Variants in GRK5 observed in about 807,000 individuals in gnomAD.
GRK5 encodes g protein-coupled receptor kinase GRK5.
GRK5 carries 40 observed loss-of-function variants against 78.4 expected under a neutral mutation model. The observed-to-expected ratio is 0.51, with a 90% CI of 0.40 to 0.66. The LOEUF (loss-of-function observed/expected upper bound fraction) is 0.66. GRK5 is among the 30% of genes least tolerant of loss of function. The pLI, the probability that GRK5 is intolerant of heterozygous loss-of-function variation, is 0.00. For missense variants in GRK5, 598 were observed against 759.9 expected (o/e 0.79, Z 2.50); for synonymous variants, 289 against 296.8 (o/e 0.97, Z 0.27).
At chr10:119,390,498 C>A (rs980129569) in intron 3 of GRK5, among the ~76,000 whole-genome samples, 2 of 152,116 alleles carry the variant, frequency 1.3e-5, no homozygotes, top group Non-Finnish European at 1.5e-5. Context: ...AGTTCGGGAC[C>A]AGCCTGGCCA....
intron 2 of GRK5, among the ~76,000 whole-genome samples, chr10:119,339,135 T>G (rs1014921493): frequency 3.9e-5 from 6 of 152,352 alleles, no homozygotes; most frequent in African/African-American, 1.4e-4. Flanking sequence ...GGATGATGTT[T>G]GGCGAGCGGC....
chr10:119,309,577 T>C (rs1028677558), intron 1 of GRK5, among the ~76,000 whole-genome samples: 4 of 152,212 alleles, frequency 2.6e-5, no homozygotes, highest in African/African-American at 9.7e-5. Context: ...ACTTTGGCCC[T>C]AGCAGCCTTC....
chr10:119,363,853 G>A (rs890705283), intron 2 of GRK5, among the ~76,000 whole-genome samples: 20 of 152,214 alleles, frequency 1.3e-4, no homozygotes, highest in East Asian at 1.9e-4. Flanking sequence ...TTCTTTTGGA[G>A]CTAAAAATGG....
chr10:119,307,571 G>T (rs1468969960), intron 1 of GRK5, among the ~76,000 whole-genome samples: 1 of 152,124 alleles, frequency 6.6e-6, no homozygotes, highest in African/African-American at 2.4e-5. Context: ...GTGGCCTGTA[G>T]ATTCTCCCCT....
chr10:119,317,239 A>T (rs1850502049), intron 1 of GRK5, among the ~76,000 whole-genome samples: 1 of 152,162 alleles, frequency 6.6e-6, no homozygotes, highest in Admixed American at 6.5e-5. Context: ...CGGCAGGTCC[A>T]CTGCGGATCC....
At position 119,456,477 on chromosome 10, in the gene GRK5, CGAA is replaced by C. The variant is rs1169810472; in HGVS notation, c.*1415_*1417del. 1 of 152,298 alleles carries C rather than the reference CGAA, an allele frequency of 6.6e-6. No homozygotes were observed. The highest frequency in any genetic ancestry group is 1.5e-5 in the Non-Finnish European group (1 of 68,100). 9.4% of individuals were successfully genotyped at this position (152,298 alleles called of 1,614,324 possible). A position where few individuals can be genotyped will look rare whatever the true frequency, so the allele number is the denominator to read the frequency against. On this transcript the variant is annotated 3_prime_UTR_variant, in exon 16 of 16. Transcript: ENST00000392870. This position sits in a 1 kb window ranked among gnomAD's most constrained non-coding sequence, Gnocchi z 5.5. ...AGCAGCTGGCCACCTCCTCCTGCCT[CGAA>C]GAAGTGACCAGGGGCCAATCTGCTC...
At chr10:119,444,806 A>C (rs1192354416) in intron 12 of GRK5, among the ~76,000 whole-genome samples, 1 of 152,198 alleles carries the variant, frequency 6.6e-6, no homozygotes, top group Non-Finnish European at 1.5e-5. Flanking sequence ...ATCTGCAGGC[A>C]CTTTTGGGGC....
chr10:119,313,267 T>TGGC (rs1850426839), intron 1 of GRK5, among the ~76,000 whole-genome samples: 1 of 146,388 alleles, frequency 6.8e-6, no homozygotes, highest in Non-Finnish European at 1.5e-5. Context: ...ATGGTGGTGG[T>TGGC]AATAGTGGTG....
intron 1 of GRK5, among the ~76,000 whole-genome samples, chr10:119,279,489 G>A (rs1849723930): frequency 6.6e-6 from 1 of 152,230 alleles, no homozygotes; most frequent in African/African-American, 2.4e-5. Flanking sequence ...GATGAAAGAA[G>A]ATGGAAGGAG....
intron 10 of GRK5, among the ~76,000 whole-genome samples, chr10:119,441,522 C>T (rs1284276391): frequency 4.6e-5 from 7 of 152,228 alleles, no homozygotes; most frequent in Admixed American, 4.6e-4. Flanking sequence ...TTTCCCTTCT[C>T]GTTTCTCTAA....
At chr10:119,449,889 C>T (rs925555318) in intron 13 of GRK5, among the ~76,000 whole-genome samples, 1 of 152,220 alleles carries the variant, frequency 6.6e-6, no homozygotes, top group Non-Finnish European at 1.5e-5. Flanking sequence ...GCTCTCGACC[C>T]TGGCTGCCTG....
Position 119,455,376 on chromosome 10 carries a change from T to A in GRK5, c.*309T>A. The A allele has an allele frequency of 1.9e-6, 1 of 536,108 alleles. No homozygotes were observed. The highest frequency in any genetic ancestry group is 3.4e-6 in the Non-Finnish European group (1 of 292,562). 33.2% of individuals were successfully genotyped at this position (536,108 alleles called of 1,614,324 possible). A position where few individuals can be genotyped will look rare whatever the true frequency, so the allele number is the denominator to read the frequency against. On this transcript the variant is annotated 3_prime_UTR_variant, in exon 16 of 16. Transcript: ENST00000392870. ...GCGTCATAACTAGAACTGAATTTTG[T>A]CTTTATGATTTTTAAAGAAAAGTTT...
intron 1 of GRK5, among the ~76,000 whole-genome samples, chr10:119,312,999 G>GTGGTGC: frequency 7.0e-6 from 1 of 142,674 alleles, no homozygotes; most frequent in South Asian, 2.3e-4. Flanking sequence ...GGTGGTAATG[G>GTGGTGC]TGGTCGTGAC....
chr10:119,364,651 A>G (rs1037813237), intron 2 of GRK5, among the ~76,000 whole-genome samples: 1 of 152,180 alleles, frequency 6.6e-6, no homozygotes, highest in Non-Finnish European at 1.5e-5. Flanking sequence ...CTGACCTTTC[A>G]GAACCCCGGG....
chr10:119,443,420 G>T (rs572525444), intron 11 of GRK5, 124 bp from the exon 12 acceptor site: 18 of 784,126 alleles, frequency 2.3e-5, no homozygotes, highest in African/African-American at 3.5e-5. Flanking sequence ...CCTGGAGGGG[G>T]TGGTATTCAC....
At chr10:119,373,202 A>G (rs1421383716) in intron 2 of GRK5, among the ~76,000 whole-genome samples, 3 of 152,238 alleles carry the variant, frequency 2.0e-5, no homozygotes, top group Admixed American at 6.5e-5. Context: ...TTCCATAGAT[A>G]GCTGGAAAAG....
intron 6 of GRK5, among the ~76,000 whole-genome samples, 183 bp downstream of exon 6, chr10:119,425,268 TACACACACACAC>T (rs112640010): frequency 7.9e-6 from 1 of 126,622 alleles, no homozygotes; most frequent in African/African-American, 2.6e-5. Flanking sequence ...CACACACACA[TACACACACACAC>T]ACACACACAC....
At chr10:119,240,235 C>G (rs1309174854) in intron 1 of GRK5, among the ~76,000 whole-genome samples, 1 of 117,358 alleles carries the variant, frequency 8.5e-6, no homozygotes, top group Non-Finnish European at 1.6e-5. Flanking sequence ...GAGTCTCACT[C>G]TGTCACTCAG....
intron 1 of GRK5, among the ~76,000 whole-genome samples, chr10:119,227,285 G>T (rs1848756594): frequency 6.6e-6 from 1 of 152,112 alleles, no homozygotes; most frequent in Non-Finnish European, 1.5e-5. Flanking sequence ...GTATATAATA[G>T]GCTGGGCACG....
Sources: allele counts gnomAD v4.1 joint callset (sites outside exome capture counted in the v4.1 genomes callset), GRCh38; gene constraint gnomAD v4.1.1; non-coding constraint Gnocchi (gnomAD v3.1); transcripts MANE v1.5; gene names NCBI Gene and HGNC (gene_info 2026-07-23, HGNC 2026-07-21).